The following PTPRR variants were observed in gnomAD, a reference collection of about 807,000 sequenced individuals.
PTPRR encodes receptor-type tyrosine-protein phosphatase R.
A neutral mutation model predicts 77.2 loss-of-function variants in PTPRR; 38 were observed. The observed-to-expected ratio is 0.49, with a 90% CI of 0.38 to 0.65. The LOEUF is 0.65. Among genes scored for constraint, PTPRR ranks in the 30% least tolerant of loss-of-function variants. The probability of loss-of-function intolerance (pLI) is 0.00; values close to 1 mark genes in which losing one functional copy is unlikely to be tolerated. For missense variants in PTPRR, 744 were observed against 799.2 expected (o/e 0.93, Z 0.83); for synonymous variants, 299 against 283.1 (o/e 1.06, Z -0.57).
At position 70,892,660 on chromosome 12, in the gene PTPRR, A is replaced by G. The variant is rs752758509; in HGVS notation, c.357+19T>C. ...AAGAATCAACATCAGCCTCAGCATC[A>G]GTTTAACATACTACTTACCACCACA... On this transcript the variant is annotated intron_variant, in intron 2 of 13. Transcript: ENST00000283228. 1.2e-6 allele frequency: 2 copies of G among 1,607,080 alleles called. No individual in the cohort carries two copies. Among genetic ancestry groups the G allele is most frequent in the East Asian group, 4.5e-5 (2 of 44,740 alleles).
intron 10 of PTPRR, among the ~76,000 whole-genome samples, chr12:70,681,958 A>G (rs186447289): frequency 9.1e-4 from 138 of 151,214 alleles, no homozygotes; most frequent in Middle Eastern, 3.4e-3. Context: ...TTTCGTTTAT[A>G]CCATAAGAAG....
intron 2 of PTPRR, among the ~76,000 whole-genome samples, chr12:70,781,399 G>A (rs1239579251): frequency 2.0e-5 from 3 of 152,160 alleles, no homozygotes; most frequent in Non-Finnish European, 4.4e-5. Flanking sequence ...AGAAAAATGT[G>A]AACAGAAAAA....
intron 2 of PTPRR, among the ~76,000 whole-genome samples, chr12:70,843,660 A>T (rs1592788708): frequency 6.6e-6 from 1 of 152,132 alleles, no homozygotes; most frequent in East Asian, 1.9e-4. Flanking sequence ...AAACCTGTTT[A>T]TGCTAATTAT....
intron 1 of PTPRR, among the ~76,000 whole-genome samples, chr12:70,910,021 A>G (rs1317342278): frequency 6.6e-6 from 1 of 152,208 alleles, no homozygotes; most frequent in Non-Finnish European, 1.5e-5. Context: ...TCTTCATAGC[A>G]TGTACTCTTC....
chr12:70,908,453 C>A (rs142658473), intron 1 of PTPRR, among the ~76,000 whole-genome samples: 1,523 of 152,270 alleles, frequency 0.01, 29 homozygotes, highest in African/African-American at 0.034. Flanking sequence ...CATCCCTCTT[C>A]ACATGGCAGC....
At chr12:70,910,709 C>G (rs1893687211) in intron 1 of PTPRR, among the ~76,000 whole-genome samples, 1 of 152,128 alleles carries the variant, frequency 6.6e-6, no homozygotes. Context: ...CCAATGAATG[C>G]CTGATGGGAA....
chr12:70,653,211 T>C (rs753794928), intron 13 of PTPRR, among the ~76,000 whole-genome samples: 1 of 152,130 alleles, frequency 6.6e-6, no homozygotes, highest in Non-Finnish European at 1.5e-5. Flanking sequence ...GGAGCAGCTC[T>C]GGCTGACTGA....
At chr12:70,888,029 TGG>T (rs1491379423) in intron 2 of PTPRR, among the ~76,000 whole-genome samples, 1 of 151,658 alleles carries the variant, frequency 6.6e-6, no homozygotes, top group Non-Finnish European at 1.5e-5. Flanking sequence ...TGTGTGTGTG[TGG>T]GTGTGTGTGT....
rs1893365829 is a variant in PTPRR, at chr12:70,892,996, A to G, written c.59-19T>C. The G allele has an allele frequency of 6.2e-7, 1 of 1,609,056 alleles. No homozygotes were observed. Reference sequence around the variant, plus strand: ...AAGCACCCTGAAAGAGGGAAGAAGCAGAAACAATATCAAAGACCCTATTCA... The same window carrying G: ...AAGCACCCTGAAAGAGGGAAGAAGCGGAAACAATATCAAAGACCCTATTCA... On this transcript the variant is annotated intron_variant, in intron 1 of 13. Coordinates refer to ENST00000283228, the MANE Select transcript of PTPRR (RefSeq NM_002849.4).
chr12:70,662,734 T>C, intron 10 of PTPRR, 129 bp from the exon 11 acceptor site: 1 of 547,980 alleles, frequency 1.8e-6, no homozygotes, highest in Non-Finnish European at 3.2e-6. Context: ...TTTTATAGTT[T>C]TGTAAATATA....
intron 2 of PTPRR, among the ~76,000 whole-genome samples, chr12:70,857,679 A>G (rs1289447064): frequency 6.6e-6 from 1 of 152,118 alleles, no homozygotes; most frequent in African/African-American, 2.4e-5. Flanking sequence ...TAGAGTGAAT[A>G]TGGTTGGCTG....
intron 1 of PTPRR, among the ~76,000 whole-genome samples, chr12:70,901,358 G>T (rs1893531224): frequency 6.6e-6 from 1 of 151,440 alleles, no homozygotes; most frequent in Non-Finnish European, 1.5e-5. Flanking sequence ...TAACCTAAGT[G>T]TCCATCAATA....
intron 13 of PTPRR, among the ~76,000 whole-genome samples, chr12:70,654,182 T>C (rs1460670391): frequency 2.0e-5 from 3 of 152,214 alleles, no homozygotes; most frequent in African/African-American, 4.8e-5. Context: ...GTTTTACATA[T>C]ATTATCTCAT....
chr12:70,789,817 T>A (rs1374184141), intron 2 of PTPRR, among the ~76,000 whole-genome samples: 9 of 152,186 alleles, frequency 5.9e-5, no homozygotes. Context: ...GGAATTGATT[T>A]TAAGGCAATA....
intron 1 of PTPRR, among the ~76,000 whole-genome samples, chr12:70,899,194 G>T (rs904810822): frequency 6.6e-6 from 1 of 150,990 alleles, no homozygotes; most frequent in Non-Finnish European, 1.5e-5. Context: ...AAAATAGAAG[G>T]GGGAACATTC....
chr12:70,918,188 CTG>C (rs1310219319), intron 1 of PTPRR, among the ~76,000 whole-genome samples: 1 of 152,156 alleles, frequency 6.6e-6, no homozygotes, highest in Non-Finnish European at 1.5e-5. Flanking sequence ...TATTAGATAA[CTG>C]TGATAAATTT....
intron 2 of PTPRR, among the ~76,000 whole-genome samples, chr12:70,789,203 A>G (rs571231017): frequency 2.6e-5 from 4 of 152,260 alleles, no homozygotes; most frequent in East Asian, 1.9e-4. Flanking sequence ...TGGCACATGT[A>G]TACATATGTA....
intron 2 of PTPRR, among the ~76,000 whole-genome samples, chr12:70,870,525 T>C (rs772762355): frequency 5.3e-5 from 8 of 152,230 alleles, no homozygotes; most frequent in Non-Finnish European, 8.8e-5. Context: ...ACAACAAAAA[T>C]CTTTACATCT....
chr12:70,795,348 T>C (rs149392799), intron 2 of PTPRR, among the ~76,000 whole-genome samples: 28 of 152,318 alleles, frequency 1.8e-4, no homozygotes, highest in African/African-American at 6.5e-4. Flanking sequence ...AATAGGATGT[T>C]GGAATAGCTT....
Sources: allele counts gnomAD v4.1 joint callset (sites outside exome capture counted in the v4.1 genomes callset), GRCh38; gene constraint gnomAD v4.1.1; transcripts MANE v1.5; gene names NCBI Gene and HGNC (gene_info 2026-07-23, HGNC 2026-07-21).